Variants in MTARC2 observed in about 807,000 individuals in gnomAD.
MTARC2 encodes the protein MOCO sulphurase C-terminal domain containing 2.
A neutral mutation model predicts 35.6 loss-of-function variants in MTARC2; 27 were observed. The observed-to-expected ratio is 0.76, with a 90% CI of 0.56 to 1.04. The LOEUF is 1.04. Among genes scored for constraint, MTARC2 ranks in the 50% least tolerant of loss-of-function variants. The pLI, the probability that MTARC2 is intolerant of heterozygous loss-of-function variation, is 0.00. For missense variants in MTARC2, 412 were observed against 432.5 expected, an observed-to-expected ratio of 0.95 and a Z score of 0.42; for synonymous variants, 158 against 167.1, an observed-to-expected ratio of 0.95 and a Z score of 0.42.
At chr1:220,761,611 G>A (rs1198995549) in intron 2 of MTARC2, 47 bp from the exon 3 acceptor site, 2 of 1,556,742 alleles carry the variant, frequency 1.3e-6, no homozygotes, top group Non-Finnish European at 1.7e-6. Context: ...ATCCCTCAGT[G>A]TATTGATATA....
chr1:220,749,431 T>C (rs1035782992), intron 1 of MTARC2, among the ~76,000 whole-genome samples: 41 of 112,280 alleles, frequency 3.7e-4, no homozygotes, highest in East Asian at 7.6e-4. Context: ...CTTCTTCTTT[T>C]TTTTTTTTTT....
intron 4 of MTARC2, among the ~76,000 whole-genome samples, chr1:220,772,330 C>T (rs1182129124): frequency 6.6e-6 from 1 of 152,110 alleles, no homozygotes; most frequent in Non-Finnish European, 1.5e-5. Flanking sequence ...ATTTATATTC[C>T]CTCAAGGTGA....
At chr1:220,771,706 C>T (rs549582662) in intron 4 of MTARC2, among the ~76,000 whole-genome samples, 18 of 151,882 alleles carry the variant, frequency 1.2e-4, no homozygotes, top group African/African-American at 3.4e-4. Flanking sequence ...ATTAAAGAAA[C>T]GCATAAAAAT....
In MTARC2 at chr1:220,783,030, C is replaced by T. The variant is rs561222922; in HGVS notation, c.*32-889C>T. Among the ~76,000 whole-genome samples, 5 of 152,280 alleles carry T rather than the reference C, an allele frequency of 3.3e-5. No homozygotes were observed. In the East Asian group the frequency reaches 5.8e-4, roughly 18 times the overall value. ...ATAGTGGGTATAAAGATGACACAGG[C>T]TTTGCCTTTGAGGTGGGCAAAAAGG... On this transcript the variant is annotated intron_variant, in intron 7 of 7. Transcript: ENST00000366913.
Position 220,748,478 on chromosome 1 carries a change from G to T in MTARC2, c.-54G>T. The T allele has an allele frequency of 7.4e-7, 1 of 1,348,064 alleles. No homozygotes were observed. Among genetic ancestry groups the T allele is most frequent in the Non-Finnish European group, 9.4e-7 (1 of 1,058,408 alleles). The allele number at this position is 1,348,064 out of a possible 1,614,324, so 83.5% of individuals were successfully genotyped here. A position where few individuals can be genotyped will look rare whatever the true frequency, so the allele number is the denominator to read the frequency against. ...CCTTAAGGGCCTCCTCGTCCTCCCG[G>T]TCTCCGGTCGCTGCCGGGTCTGTGC... is the stretch of plus-strand genomic sequence containing the variant. On this transcript the variant is annotated 5_prime_UTR_variant, in exon 1 of 8. Coordinates refer to ENST00000366913, the MANE Select transcript of MTARC2 (RefSeq NM_017898.5).
rs1213283134 is a variant in MTARC2, at chr1:220,763,157, TTCACTCATTGCTGCTGCCA to T, written c.750+120_750+138del. The T allele has an allele frequency of 1.0e-4, 149 of 1,462,538 alleles. No homozygotes were observed. The East Asian group carries it at 3.3e-3, about 32-fold the overall frequency. The allele number at this position is 1,462,538 out of a possible 1,614,324, so 90.6% of individuals were successfully genotyped here. A position where few individuals can be genotyped will look rare whatever the true frequency, so the allele number is the denominator to read the frequency against. ...ACTCAGATCCGCCAGGGTCCAGTCATTCACTCATTGCTGCTGCCATCACTCATTGCTTGCGGAGTTGTTC... is the reference window on the plus strand; with the variant it reads ...ACTCAGATCCGCCAGGGTCCAGTCATTCACTCATTGCTTGCGGAGTTGTTC... On this transcript the variant is annotated intron_variant, in intron 4 of 7. Transcript: ENST00000366913.
chr1:220,775,554 G>T (rs1354138328), intron 4 of MTARC2, among the ~76,000 whole-genome samples: 1 of 152,138 alleles, frequency 6.6e-6, no homozygotes, highest in Non-Finnish European at 1.5e-5. Context: ...TTAGGTGCAG[G>T]GGTACAGGTG....
At chr1:220,772,977 G>A (rs951010429) in intron 4 of MTARC2, among the ~76,000 whole-genome samples, 24 of 152,258 alleles carry the variant, frequency 1.6e-4, no homozygotes, top group African/African-American at 5.5e-4. Flanking sequence ...GGAATTTCCC[G>A]AGTGACGGGG....
intron 4 of MTARC2, among the ~76,000 whole-genome samples, chr1:220,772,117 T>C (rs1671759318): frequency 6.6e-6 from 1 of 152,232 alleles, no homozygotes; most frequent in Non-Finnish European, 1.5e-5. Flanking sequence ...TAGTCCATCC[T>C]GTGACTCTGC....
At chr1:220,783,781 G>A in intron 7 of MTARC2, 138 bp from the exon 8 acceptor site, 1 of 631,286 alleles carries the variant, frequency 1.6e-6, no homozygotes, top group Admixed American at 2.5e-5. Flanking sequence ...AGAGCTAATG[G>A]GCCATGCTTT....
In MTARC2 at chr1:220,763,041, T is replaced by C; in HGVS notation, c.741T>C (p.Ala247=). 1 of 1,614,162 alleles carries C rather than the reference T, an allele frequency of 6.2e-7. No individual in the cohort carries two copies. Among genetic ancestry groups the C allele is most frequent in the Non-Finnish European group, 8.5e-7 (1 of 1,180,036 alleles). Residue 247 remains alanine (A), a synonymous_variant, in exon 4 of 8, where the codon GCT becomes GCC. Transcript: ENST00000366913. The part of the protein sequence containing the change: ...RPNIVVTGCD[A]FEEDTWDELL... ...ATATTGTGGTGACCGGCTGTGATGCTTTTGAGGAGGTAAGCGACCCACTGC... is the reference window on the plus strand; with the variant it reads ...ATATTGTGGTGACCGGCTGTGATGCCTTTGAGGAGGTAAGCGACCCACTGC...
At chr1:220,779,907 T>C (rs547945652) in intron 4 of MTARC2, 111 bp from the exon 5 acceptor site, 1 of 803,314 alleles carries the variant, frequency 1.2e-6, no homozygotes, top group Non-Finnish European at 1.9e-6. Flanking sequence ...TGTCACCTTG[T>C]GCTGCTTTCT....
At chr1:220,766,060 G>C (rs1314421294) in intron 4 of MTARC2, among the ~76,000 whole-genome samples, 2 of 152,126 alleles carry the variant, frequency 1.3e-5, no homozygotes, top group African/African-American at 4.8e-5. Context: ...AGATGATACA[G>C]GGTCAGGGCT....
At chr1:220,777,069 A>G (rs1671938575) in intron 4 of MTARC2, among the ~76,000 whole-genome samples, 3 of 152,192 alleles carry the variant, frequency 2.0e-5, no homozygotes, top group African/African-American at 7.2e-5. Flanking sequence ...GTTACTGGCT[A>G]GGAGTGCTTG....
intron 1 of MTARC2, among the ~76,000 whole-genome samples, chr1:220,750,075 G>A (rs1476241067): frequency 6.6e-6 from 1 of 152,110 alleles, no homozygotes; most frequent in Non-Finnish European, 1.5e-5. Context: ...CCAGGACTAC[G>A]GAAGCAGAAT....
At chr1:220,752,737 C>T (rs1671158450) in intron 1 of MTARC2, among the ~76,000 whole-genome samples, 1 of 151,964 alleles carries the variant, frequency 6.6e-6, no homozygotes, top group African/African-American at 2.4e-5. Flanking sequence ...GTCCCAGCTA[C>T]TCAGGAGACT....
chr1:220,777,931 C>T (rs1671961100), intron 4 of MTARC2, among the ~76,000 whole-genome samples: 1 of 152,130 alleles, frequency 6.6e-6, no homozygotes, highest in African/African-American at 2.4e-5. Context: ...ATACCTGAGA[C>T]TGGATAATTT....
chr1:220,754,401 G>A (rs1474814570), intron 1 of MTARC2: 1 of 456,310 alleles, frequency 2.2e-6, no homozygotes, highest in South Asian at 1.5e-5. Flanking sequence ...CTGTTTGGGA[G>A]GTTTCCTGAT....
rs746324162 is a variant in MTARC2, at chr1:220,774,974, C to T, written c.751-5044C>T. ...GTGTGCGTGTGTGTGTGTGTGTGTA[C>T]ACACATTCGTATGCATCTACGGAGA... On this transcript the variant is annotated intron_variant, in intron 4 of 7. Transcript: ENST00000366913. Among the ~76,000 whole-genome samples the T allele has an allele frequency of 6.6e-5, 10 of 150,694 alleles. No individual in the cohort carries two copies. The South Asian group carries it at 2.1e-3, about 32-fold the overall frequency.
Sources: gnomAD v4.1 joint callset for allele counts (sites outside exome capture counted in the v4.1 genomes callset) on GRCh38, gnomAD v4.1.1 for gene constraint, MANE v1.5 for transcripts, NCBI Gene and HGNC (gene_info 2026-07-23, HGNC 2026-07-21) for gene names.